Variants in NKIRAS1 observed in about 807,000 individuals in gnomAD.
NKIRAS1 encodes NF-kappa-B inhibitor-interacting Ras-like protein 1.
Under a neutral mutation model 19.8 loss-of-function variants are expected in NKIRAS1, and 16 were observed. The observed-to-expected ratio is 0.81, with a 90% CI of 0.55 to 1.23. The LOEUF is 1.23. NKIRAS1 is among the 50% of genes most tolerant of loss of function. NKIRAS1 has a pLI of 0.00. For missense variants in NKIRAS1, 184 were observed against 220.0 expected (o/e 0.84, Z 1.04); for synonymous variants, 88 against 79.0 (o/e 1.11, Z -0.61).
Position 23,890,682 on chromosome 3 carries a change from G to A in NKIRAS1, c.*2413C>T. The A allele has an allele frequency of 8.0e-7, 1 of 1,257,144 alleles. No individual in the cohort carries two copies. The highest frequency in any genetic ancestry group is 1.4e-5 in the South Asian group (1 of 70,952). 77.9% of individuals were successfully genotyped at this position (1,257,144 alleles called of 1,614,324 possible). A position where few individuals can be genotyped will look rare whatever the true frequency, so the allele number is the denominator to read the frequency against. Reference sequence around the variant, plus strand: ...CTTATGATTTTGAAGGGGTCAGGGAGGGTGGGAGTTGGTAAAGAGTAGGGT... The same window carrying A: ...CTTATGATTTTGAAGGGGTCAGGGAAGGTGGGAGTTGGTAAAGAGTAGGGT... On this transcript the variant is annotated 3_prime_UTR_variant, in exon 5 of 5. Coordinates refer to ENST00000425478, the MANE Select transcript of NKIRAS1 (RefSeq NM_020345.4).
At position 23,926,559 on chromosome 3, in the gene NKIRAS1, A is replaced by G. The variant is rs979155302; in HGVS notation, c.-139-15109T>C. 1.3e-5 allele frequency among the ~76,000 whole-genome samples: 2 copies of G among 151,694 alleles called. No individual in the cohort carries two copies. Among genetic ancestry groups the G allele is most frequent in the African/African-American group, 4.8e-5 (2 of 41,240 alleles). On this transcript the variant is annotated intron_variant, in intron 1 of 4. Coordinates refer to the NKIRAS1 transcript ENST00000421515. The surrounding 1 kb of genome is among the most constrained non-coding windows in gnomAD (Gnocchi z 4.3). The stretch of plus-strand genomic sequence containing the variant: ...TAGTAGATGAAGATGAGGCATATGA[A>G]GTCTAGTTTTACCGTAAAAAGTTTG...
chr3:23,899,438 T>A (rs1023013685), intron 4 of NKIRAS1, among the ~76,000 whole-genome samples: 5 of 152,258 alleles, frequency 3.3e-5, no homozygotes, highest in African/African-American at 1.2e-4. Context: ...ATCTAGCCAG[T>A]ACTTTTTGTT....
At chr3:23,946,167 C>T in intron 1 of NKIRAS1, 1 of 985,182 alleles carries the variant, frequency 1.0e-6, no homozygotes, top group Middle Eastern at 5.2e-4. Context: ...GCCGCGCGTG[C>T]GCGCCCGCTG....
chr3:23,913,178 TTTGTA>T (rs1289389781), intron 1 of NKIRAS1, among the ~76,000 whole-genome samples: 1 of 152,188 alleles, frequency 6.6e-6, no homozygotes, highest in Non-Finnish European at 1.5e-5. Context: ...TATACATTGT[TTTGTA>T]TTGTATGTAT....
chr3:23,945,623 A>G lies in NKIRAS1; in HGVS notation c.-140+700T>C, dbSNP rs753771368. 9.6e-6 allele frequency: 10 copies of G among 1,040,872 alleles called. No homozygotes were observed. The East Asian group carries it at 4.8e-4, about 50-fold the overall frequency. 64.5% of individuals were successfully genotyped at this position (1,040,872 alleles called of 1,614,324 possible). ...AGAACCGGACTGCGGCGGGTGGGGG[A>G]TGGCCGGAGGGAGCGCTCAGAGCCC... On this transcript the variant is annotated intron_variant, in intron 1 of 4. Transcript: ENST00000421515.
chr3:23,919,190 T>A (rs777908017), upstream of NKIRAS1: 1 of 1,610,950 alleles, frequency 6.2e-7, no homozygotes, highest in Non-Finnish European at 8.5e-7. Context: ...TTTTTTCCTA[T>A]TCTAGGAGCG....
intron 4 of NKIRAS1, 146 bp from the exon 5 acceptor site, chr3:23,893,483 A>C: frequency 1.4e-6 from 1 of 732,186 alleles, no homozygotes; most frequent in Non-Finnish European, 2.3e-6. Flanking sequence ...TTAGGATTTC[A>C]CCTTACTCCT....
At chr3:23,928,419 T>C (rs1025869815) in intron 1 of NKIRAS1, among the ~76,000 whole-genome samples, 2 of 152,084 alleles carry the variant, frequency 1.3e-5, no homozygotes, top group Non-Finnish European at 2.9e-5. Context: ...TTTCTAAATA[T>C]ATAAAATGTA....
rs1705229414 is a variant in NKIRAS1, at chr3:23,927,420, T to C, written c.-139-15970A>G. ...AAGGTGCTATAGTTGGCTTGTGACA[T>C]TAAACCTCATAATCAAAGCATTCAA... On this transcript the variant is annotated intron_variant, in intron 1 of 4. Transcript: ENST00000421515. The surrounding 1 kb of genome is among the most constrained non-coding windows in gnomAD (Gnocchi z 4.0). Among the ~76,000 whole-genome samples, 1 of 152,162 alleles carries C rather than the reference T, an allele frequency of 6.6e-6. No individual in the cohort carries two copies. Among genetic ancestry groups the C allele is most frequent in the African/African-American group, 2.4e-5 (1 of 41,440 alleles).
chr3:23,946,061 G>A (rs1575141377), intron 1 of NKIRAS1: 1 of 976,534 alleles, frequency 1.0e-6, no homozygotes, highest in Non-Finnish European at 1.2e-6. Flanking sequence ...TGGGAGCGCC[G>A]CAGCCTCCCG....
At chr3:23,930,211 G>A (rs914926963) in intron 1 of NKIRAS1, among the ~76,000 whole-genome samples, 2 of 152,154 alleles carry the variant, frequency 1.3e-5, no homozygotes, top group Non-Finnish European at 2.9e-5. Context: ...GCTGATTCTA[G>A]AAGGGGTGGC....
rs1474228435 is a variant in NKIRAS1, at chr3:23,891,102, TGAG to T, written c.*1990_*1992del. ...TGGCTATAAAACACCATATAAGAGA[TGAG>T]TAGTGCGTTTTATTTTATATGCCAA... On this transcript the variant is annotated 3_prime_UTR_variant, in exon 5 of 5. Transcript: ENST00000425478. 6.5e-6 allele frequency: 1 copy of T among 152,678 alleles called. No individual in the cohort carries two copies. The highest frequency in any genetic ancestry group is 1.9e-4 in the East Asian group (1 of 5,192). The allele number at this position is 152,678 out of a possible 1,614,324, so 9.5% of individuals were successfully genotyped here.
chr3:23,901,892 GC>G (rs1290717386), intron 3 of NKIRAS1, among the ~76,000 whole-genome samples: 1 of 152,104 alleles, frequency 6.6e-6, no homozygotes, highest in African/African-American at 2.4e-5. Flanking sequence ...GGCCAACATG[GC>G]CAAACCCCAT....
At chr3:23,945,226 CGAGGGCGGGCG>C (rs1231818343) in intron 1 of NKIRAS1, 1 of 136,500 alleles carries the variant, frequency 7.3e-6, no homozygotes. Context: ...AGCGGCCGGC[CGAGGGCGGGCG>C]GAGGGAGGGG....
chr3:23,933,724 T>A (rs1321357503), intron 1 of NKIRAS1, among the ~76,000 whole-genome samples: 5 of 151,980 alleles, frequency 3.3e-5, no homozygotes, highest in Admixed American at 3.3e-4. Flanking sequence ...TAAAAATTGG[T>A]TTTTGAGGGA....
upstream of NKIRAS1, chr3:23,920,261 C>T (rs973380922): frequency 3.0e-6 from 3 of 985,580 alleles, no homozygotes; most frequent in African/African-American, 3.5e-5. Flanking sequence ...CCTTCAGTCA[C>T]ATTAGGGGGA....
chr3:23,904,185 C>T (rs557531884), intron 3 of NKIRAS1, among the ~76,000 whole-genome samples: 35 of 152,284 alleles, frequency 2.3e-4, no homozygotes, highest in East Asian at 1.4e-3. Context: ...AATTCTATGA[C>T]GCATCACTGA....
upstream of NKIRAS1, chr3:23,921,603 G>A (rs1394348688): frequency 5.6e-6 from 3 of 538,684 alleles, no homozygotes; most frequent in African/African-American, 6.6e-5. Flanking sequence ...TCCAGATGGA[G>A]TCTCACTCTC....
chr3:23,902,206 TA>T lies in NKIRAS1; in HGVS notation c.95-1158del, dbSNP rs1324022329. Among the ~76,000 whole-genome samples the T allele has an allele frequency of 3.9e-5, 6 of 152,320 alleles. No individual in the cohort carries two copies. In the East Asian group the frequency reaches 9.6e-4, roughly 24 times the overall value. ...TTTTTTAAACTAGTTACAGTTTTCC[TA>T]AACAACCTAAATACTGTAGAATGAT... On this transcript the variant is annotated intron_variant, in intron 3 of 4. Coordinates refer to ENST00000425478, the MANE Select transcript of NKIRAS1 (RefSeq NM_020345.4).
Sources: allele counts gnomAD v4.1 joint callset (sites outside exome capture counted in the v4.1 genomes callset), GRCh38; gene constraint gnomAD v4.1.1; non-coding constraint Gnocchi (gnomAD v3.1); transcripts MANE v1.5; gene names NCBI Gene and HGNC (gene_info 2026-07-23, HGNC 2026-07-21).